MSRA: variants seen among roughly 807,000 people sequenced by gnomAD.
The protein encoded by MSRA is methionine sulfoxide reductase A.
Under a neutral mutation model 31.3 loss-of-function variants are expected in MSRA, and 54 were observed. The ratio of observed to expected loss-of-function variants is 1.73; its 90% CI spans 1.39 to 2.17. The LOEUF (loss-of-function observed/expected upper bound fraction) is 2.17. Among genes scored for constraint, MSRA ranks in the 30% most tolerant of loss-of-function variants. The pLI is 0.00. For synonymous variants in MSRA, 169 were observed against 116.5 expected (o/e 1.45, Z -2.90); for missense variants, 507 against 300.9 (o/e 1.69, Z -5.07).
intron 4 of MSRA, among the ~76,000 whole-genome samples, chr8:10,318,515 AAG>A (rs1801855202): frequency 6.6e-6 from 1 of 152,192 alleles, no homozygotes; most frequent in Non-Finnish European, 1.5e-5. Flanking sequence ...TATTTGCAGA[AAG>A]AGGAAAGACA....
chr8:10,067,127 A>T (rs1797492538), intron 1 of MSRA, among the ~76,000 whole-genome samples: 1 of 152,112 alleles, frequency 6.6e-6, no homozygotes, highest in Non-Finnish European at 1.5e-5. Context: ...ATCAGAACAG[A>T]ATGCCTTCAC....
chr8:10,410,717 T>G (rs577833265), intron 5 of MSRA, among the ~76,000 whole-genome samples: 2 of 152,324 alleles, frequency 1.3e-5, no homozygotes, highest in South Asian at 4.2e-4. Context: ...GGAGATATTT[T>G]AAGGAGTGTT....
chr8:10,149,299 T>C (rs1382354402), intron 1 of MSRA, among the ~76,000 whole-genome samples: 1 of 152,044 alleles, frequency 6.6e-6, no homozygotes, highest in Non-Finnish European at 1.5e-5. Context: ...GTTTTTGTAT[T>C]TTTAGTAGAG....
At chr8:10,214,305 C>T (rs982264983) in intron 2 of MSRA, among the ~76,000 whole-genome samples, 5 of 152,122 alleles carry the variant, frequency 3.3e-5, no homozygotes, top group African/African-American at 7.2e-5. Flanking sequence ...GGGTACTCAC[C>T]TTCGGCCCCT....
At chr8:10,360,486 A>G (rs1260034023) in intron 5 of MSRA, among the ~76,000 whole-genome samples, 1 of 151,874 alleles carries the variant, frequency 6.6e-6, no homozygotes, top group Non-Finnish European at 1.5e-5. Flanking sequence ...TTTCTGGGAG[A>G]CATTGGAAGG....
At chr8:10,150,771 A>C (rs1803595056) in intron 1 of MSRA, among the ~76,000 whole-genome samples, 1 of 152,138 alleles carries the variant, frequency 6.6e-6, no homozygotes, top group Non-Finnish European at 1.5e-5. Flanking sequence ...GCGCAGGATT[A>C]AAAAGCACAG....
At chr8:10,066,123 A>T (rs1015504968) in intron 1 of MSRA, among the ~76,000 whole-genome samples, 1 of 152,148 alleles carries the variant, frequency 6.6e-6, no homozygotes, top group Non-Finnish European at 1.5e-5. Context: ...CCCGGATTCA[A>T]GCGATTCTCC....
intron 3 of MSRA, among the ~76,000 whole-genome samples, chr8:10,296,482 C>T (rs891323544): frequency 6.6e-6 from 1 of 152,248 alleles, no homozygotes. Context: ...AAGTAGGACA[C>T]CCGGGATCAC....
At chr8:10,257,398 T>G (rs554409190) in intron 3 of MSRA, among the ~76,000 whole-genome samples, 4 of 152,278 alleles carry the variant, frequency 2.6e-5, no homozygotes, top group Admixed American at 6.5e-5. Flanking sequence ...TCCATAAACC[T>G]TCTTCATTTA....
chr8:10,366,215 T>C (rs545819944), intron 5 of MSRA, among the ~76,000 whole-genome samples: 2 of 152,346 alleles, frequency 1.3e-5, no homozygotes, highest in South Asian at 2.1e-4. Flanking sequence ...ATGTTTCGTT[T>C]AGGGAAGCTG....
intron 5 of MSRA, among the ~76,000 whole-genome samples, chr8:10,351,425 TG>T (rs758296415): frequency 2.0e-5 from 3 of 152,034 alleles, no homozygotes; most frequent in Non-Finnish European, 4.4e-5. Context: ...AGCTAATTTT[TG>T]TATTTTTGGT....
chr8:10,270,780 G>C (rs1798993000), intron 3 of MSRA, among the ~76,000 whole-genome samples: 1 of 152,250 alleles, frequency 6.6e-6, no homozygotes, highest in Non-Finnish European at 1.5e-5. Context: ...TAGGAAAGCT[G>C]TGATTCCAAG....
chr8:10,400,527 G>A (rs1807394608), intron 5 of MSRA, among the ~76,000 whole-genome samples: 1 of 152,138 alleles, frequency 6.6e-6, no homozygotes, highest in East Asian at 1.9e-4. Context: ...GACAGATATT[G>A]GTCCATGCTG....
intron 5 of MSRA, among the ~76,000 whole-genome samples, chr8:10,395,874 C>A (rs1455350594): frequency 6.6e-6 from 1 of 152,188 alleles, no homozygotes; most frequent in African/African-American, 2.4e-5. Flanking sequence ...AGGCACACAT[C>A]CCCCTTCTGT....
chr8:10,283,179 C>T (rs1799725692), intron 3 of MSRA, among the ~76,000 whole-genome samples: 1 of 151,282 alleles, frequency 6.6e-6, no homozygotes, highest in Admixed American at 6.6e-5. Context: ...CTTCTCTTTG[C>T]TGGGGAAAGG....
chr8:10,401,352 T>G (rs1807451003), intron 5 of MSRA, among the ~76,000 whole-genome samples: 1 of 151,992 alleles, frequency 6.6e-6, no homozygotes, highest in South Asian at 2.1e-4. Context: ...AAAACTACAG[T>G]GAGAAACCAC....
intron 1 of MSRA, among the ~76,000 whole-genome samples, chr8:10,137,472 C>T (rs769630097): frequency 6.6e-5 from 10 of 152,088 alleles, no homozygotes; most frequent in Non-Finnish European, 8.8e-5. Context: ...TATTCTGTGC[C>T]CTGTTTCATT....
intron 1 of MSRA, chr8:10,058,849 A>G (rs550954271): frequency 6.6e-6 from 1 of 152,218 alleles, no homozygotes; most frequent in African/African-American, 2.4e-5. Flanking sequence ...CCTTTTTATT[A>G]AGTGTGATCT....
chr8:10,318,028 CTT>C (rs2129136623), intron 4 of MSRA, among the ~76,000 whole-genome samples: 1 of 152,294 alleles, frequency 6.6e-6, no homozygotes, highest in Admixed American at 6.5e-5. Context: ...ACGTTCCAAG[CTT>C]GTTCTTATTT....
Sources: allele counts gnomAD v4.1 joint callset (sites outside exome capture counted in the v4.1 genomes callset), GRCh38; gene constraint gnomAD v4.1.1; transcripts MANE v1.5; gene names NCBI Gene and HGNC (gene_info 2026-07-23, HGNC 2026-07-21).